The following ZC3H7B variants were observed in gnomAD, a reference collection of about 807,000 sequenced individuals.
The protein encoded by ZC3H7B is zinc finger CCCH domain-containing protein 7B.
ZC3H7B carries 35 observed loss-of-function variants against 116.0 expected under a neutral mutation model. That is an observed-to-expected ratio of 0.30 (90% CI 0.23 to 0.40). The LOEUF is 0.40. Ranked by LOEUF, ZC3H7B falls within the 10% of genes least tolerant of loss-of-function variation. The probability of loss-of-function intolerance (pLI) is 1.00; values close to 1 mark genes in which losing one functional copy is unlikely to be tolerated. For synonymous variants in ZC3H7B, 502 were observed against 545.6 expected (o/e 0.92, Z 1.11); for missense variants, 1,011 against 1,321.5 (o/e 0.77, Z 3.64).
At chr22:41,324,368 G>C (rs550955590) in intron 2 of ZC3H7B, among the ~76,000 whole-genome samples, 128 of 152,282 alleles carry the variant, frequency 8.4e-4, no homozygotes, top group Non-Finnish European at 1.3e-3. Flanking sequence ...TCACGCACTA[G>C]CCTAGGCCAC....
At position 41,303,440 on chromosome 22, in the gene ZC3H7B, G is replaced by C. The variant is rs139434016; in HGVS notation, c.-7+1668G>C. 9.3e-4 allele frequency among the ~76,000 whole-genome samples: 142 copies of C among 152,314 alleles called. 1 individual carries two copies. The highest frequency in any genetic ancestry group is 3.3e-3 in the African/African-American group (136 of 41,566). On this transcript the variant is annotated intron_variant, in intron 1 of 22. Coordinates refer to ENST00000352645, the MANE Select transcript of ZC3H7B (RefSeq NM_017590.6). ...GGATGTGCTGATCTCTCGAGTCTTA[G>C]TAGGAAAGCTGAGATGTCGGTTGAG...
In ZC3H7B at chr22:41,357,589, C is replaced by T; in HGVS notation, c.*160C>T. 2 of 1,053,516 alleles carry T rather than the reference C, an allele frequency of 1.9e-6. No individual in the cohort carries two copies. The highest frequency in any genetic ancestry group is 2.7e-6 in the Non-Finnish European group (2 of 752,482). The allele number at this position is 1,053,516 out of a possible 1,614,324, so 65.3% of individuals were successfully genotyped here. ...CTGTCCATCTTCTCCCCACCACCGCCCCGGTGTGCGTACCCAGGCGCACGT... is the reference window on the plus strand; with the variant it reads ...CTGTCCATCTTCTCCCCACCACCGCTCCGGTGTGCGTACCCAGGCGCACGT... On this transcript the variant is annotated 3_prime_UTR_variant, in exon 23 of 23. Transcript: ENST00000352645. This position sits in a 1 kb window ranked among gnomAD's most constrained non-coding sequence, Gnocchi z 5.4.
chr22:41,327,884 G>A lies in ZC3H7B; in HGVS notation c.444+520G>A, dbSNP rs1321876294. 6.6e-6 allele frequency among the ~76,000 whole-genome samples: 1 copy of A among 152,236 alleles called. No homozygotes were observed. Among genetic ancestry groups the A allele is most frequent in the Non-Finnish European group, 1.5e-5 (1 of 68,052 alleles). ...CATGCCTGTAATCCCAGCACTGTGGGAGGCCAAGGCGGGAGGATCACTTGA... is the reference window on the plus strand; with the variant it reads ...CATGCCTGTAATCCCAGCACTGTGGAAGGCCAAGGCGGGAGGATCACTTGA... On this transcript the variant is annotated intron_variant, in intron 5 of 22. Transcript: ENST00000352645. The surrounding 1 kb of genome is among the most constrained non-coding windows in gnomAD (Gnocchi z 4.5).
rs943585597 is a variant in ZC3H7B at position 41,360,073 on chromosome 22, G to A, written c.*2644G>A. 1.3e-5 allele frequency: 2 copies of A among 152,330 alleles called. No homozygotes were observed. Among genetic ancestry groups the A allele is most frequent in the Admixed American group, 6.6e-5 (1 of 15,264 alleles). 9.4% of individuals were successfully genotyped at this position (152,330 alleles called of 1,614,324 possible). The stretch of plus-strand genomic sequence containing the variant: ...TGTAGATGTTTTAATAACAATTTTT[G>A]TCCTTCTTAAAATAAAATGAAAGAA... On this transcript the variant is annotated 3_prime_UTR_variant, in exon 23 of 23. Coordinates refer to ENST00000352645, the MANE Select transcript of ZC3H7B (RefSeq NM_017590.6).
intron 1 of ZC3H7B, among the ~76,000 whole-genome samples, chr22:41,318,978 G>A (rs1429785829): frequency 6.6e-6 from 1 of 152,068 alleles, no homozygotes; most frequent in African/African-American, 2.4e-5. Context: ...CCATTCAAAT[G>A]TCAAAGTGAG....
At chr22:41,311,821 C>T (rs528358928) in intron 1 of ZC3H7B, among the ~76,000 whole-genome samples, 38 of 152,014 alleles carry the variant, frequency 2.5e-4, no homozygotes, top group Non-Finnish European at 4.3e-4. Context: ...CAGAATAAGA[C>T]GAGCCCCCAA....
chr22:41,320,584 C>G, intron 1 of ZC3H7B, 71 bp from the exon 2 acceptor site: 1 of 1,568,088 alleles, frequency 6.4e-7, no homozygotes, highest in Non-Finnish European at 8.8e-7. Context: ...TCACAGGACC[C>G]ACGAAGTGGT....
chr22:41,340,601 C>CT (rs774957107), intron 10 of ZC3H7B, among the ~76,000 whole-genome samples: 30 of 152,180 alleles, frequency 2.0e-4, no homozygotes, highest in Non-Finnish European at 3.8e-4. Flanking sequence ...GGGCACTCGA[C>CT]TGAGAGGGCT....
intron 17 of ZC3H7B, among the ~76,000 whole-genome samples, chr22:41,353,735 G>A (rs1192159542): frequency 2.0e-5 from 3 of 152,240 alleles, no homozygotes; most frequent in Non-Finnish European, 4.4e-5. Flanking sequence ...AGGCTGGCTG[G>A]CAGGGCTGCC....
In ZC3H7B at chr22:41,341,127, C is replaced by T; in HGVS notation, c.1178C>T (p.Ala393Val). 1.9e-6 allele frequency: 3 copies of T among 1,613,998 alleles called. No individual in the cohort carries two copies. Among genetic ancestry groups the T allele is most frequent in the Non-Finnish European group, 2.5e-6 (3 of 1,179,922 alleles). ...NSQDHRPPSG[A>V]QKPAPSPEPC... ...CAGGACCACCGTCCCCCTAGCGGTG[C>T]TCAGAAACCAGCCCCCTCGGTGAGT... The change falls in exon 11 of 23, where the codon GCT becomes GTT. Residue 393 changes from alanine (A) to valine (V), a missense_variant. By Grantham distance (64) the Ala-to-Val change is moderately conservative (BLOSUM62 0). This residue lies in a region of ZC3H7B where 99 missense variants were observed against 89.5 expected (regional missense o/e 1.11). Transcript: ENST00000352645.
chr22:41,332,426 C>G (rs2036395307), intron 7 of ZC3H7B, 199 bp downstream of exon 7: 2 of 627,176 alleles, frequency 3.2e-6, no homozygotes, highest in South Asian at 2.0e-5. Context: ...TGCCGGGGAG[C>G]CGCCGGGGGC....
At chr22:41,312,496 G>T (rs2036131621) in intron 1 of ZC3H7B, among the ~76,000 whole-genome samples, 1 of 151,108 alleles carries the variant, frequency 6.6e-6, no homozygotes, top group Non-Finnish European at 1.5e-5. Flanking sequence ...CAGCTACTTG[G>T]GGAGGATTAC....
chr22:41,356,074 G>A lies in ZC3H7B; in HGVS notation c.2383+12G>A, dbSNP rs753683400. Reference sequence around the variant, plus strand: ...GAAGGAGAACAAGAGTGAGTGGGCAGACGGGGCGGGCGGGCCCTCCCCCGG... The same window carrying A: ...GAAGGAGAACAAGAGTGAGTGGGCAAACGGGGCGGGCGGGCCCTCCCCCGG... On this transcript the variant is annotated intron_variant, in intron 20 of 22. Coordinates refer to ENST00000352645, the MANE Select transcript of ZC3H7B (RefSeq NM_017590.6). 30 of 1,558,130 alleles carry A rather than the reference G, an allele frequency of 1.9e-5. 1 individual carries two copies. In the South Asian group the frequency reaches 3.2e-4, roughly 16 times the overall value.
intron 14 of ZC3H7B, among the ~76,000 whole-genome samples, chr22:41,347,222 G>A (rs950840921): frequency 2.0e-5 from 3 of 152,188 alleles, no homozygotes; most frequent in East Asian, 1.9e-4. Context: ...GGGCCTGTCC[G>A]GGGCTTCCCC....
At chr22:41,342,429 G>A in intron 11 of ZC3H7B, 100 bp from the exon 12 acceptor site, 1 of 1,090,858 alleles carries the variant, frequency 9.2e-7, no homozygotes, top group Non-Finnish European at 1.4e-6. Context: ...GGGTAGGATA[G>A]GGGGGTCATA....
chr22:41,350,480 G>A (rs1196663326), intron 16 of ZC3H7B, among the ~76,000 whole-genome samples: 3 of 152,122 alleles, frequency 2.0e-5, no homozygotes, highest in African/African-American at 4.8e-5. Flanking sequence ...AGGGTGGCTC[G>A]GGCCAGGGTG....
In ZC3H7B at chr22:41,349,213, G is replaced by A. The variant is rs760185358; in HGVS notation, c.1860G>A (p.Glu620=). 6.2e-7 allele frequency: 1 copy of A among 1,613,772 alleles called. No homozygotes were observed. The highest frequency in any genetic ancestry group is 1.1e-5 in the South Asian group (1 of 91,088). Residue 620 remains glutamate, a synonymous_variant, in exon 16 of 23, where the codon GAG becomes GAA. Coordinates refer to ENST00000352645, the MANE Select transcript of ZC3H7B (RefSeq NM_017590.6). The surrounding 1 kb of genome is among the most constrained non-coding windows in gnomAD (Gnocchi z 4.9). ...TCCAGTTCGACGTGTGCCGCCATGA[G>A]GTGCGCTACGGCTGCCTGCGGGAGG... ...EHFQFDVCRH[E]VRYGCLREDS...
At chr22:41,320,527 C>A in intron 1 of ZC3H7B, 128 bp from the exon 2 acceptor site, 1 of 1,067,528 alleles carries the variant, frequency 9.4e-7, no homozygotes, top group Non-Finnish European at 1.4e-6. Flanking sequence ...CAGGGACACG[C>A]CTCCCGACAT....
chr22:41,354,494 G>A (rs1468122463), intron 17 of ZC3H7B, among the ~76,000 whole-genome samples: 3 of 152,184 alleles, frequency 2.0e-5, no homozygotes, highest in Admixed American at 2.0e-4. Flanking sequence ...GGGACACGGT[G>A]GGGAGTAGGC....
Sources: allele counts gnomAD v4.1 joint callset (sites outside exome capture counted in the v4.1 genomes callset), GRCh38; gene constraint gnomAD v4.1.1; regional missense constraint gnomAD v4.1.1; non-coding constraint Gnocchi (gnomAD v3.1); transcripts MANE v1.5; gene names NCBI Gene and HGNC (gene_info 2026-07-23, HGNC 2026-07-21).